COBL: variants seen among roughly 807,000 people sequenced by gnomAD.
COBL encodes the protein cordon-bleu WH2 repeat protein.
Under a neutral mutation model 98.8 loss-of-function variants are expected in COBL, and 51 were observed. That is an observed-to-expected ratio of 0.52 (90% CI 0.41 to 0.65). The LOEUF (loss-of-function observed/expected upper bound fraction) is 0.65, where lower values mean the gene tolerates loss of function less well. Ranked by LOEUF, COBL falls within the 30% of genes least tolerant of loss-of-function variation. COBL has a pLI of 0.00. For missense variants in COBL, 1,617 were observed against 1,617.5 expected (o/e 1.00, Z 0.01); for synonymous variants, 634 against 651.7 (o/e 0.97, Z 0.41).
At chr7:51,180,989 T>G (rs2129050093) in intron 5 of COBL, among the ~76,000 whole-genome samples, 1 of 152,354 alleles carries the variant, frequency 6.6e-6, no homozygotes, top group Middle Eastern at 3.4e-3. Context: ...TAGAGATGAT[T>G]CAACAAGCAA....
intron 1 of COBL, among the ~76,000 whole-genome samples, chr7:51,230,828 C>G (rs1350588728): frequency 6.6e-6 from 1 of 152,206 alleles, no homozygotes. Context: ...TGTTTCTGCA[C>G]GTGGGGCAGA....
At chr7:51,059,874 G>C (rs957864028) in intron 7 of COBL, among the ~76,000 whole-genome samples, 1 of 152,124 alleles carries the variant, frequency 6.6e-6, no homozygotes, top group African/African-American at 2.4e-5. Context: ...ACCCAACGTG[G>C]CCTGTTTTTT....
intron 6 of COBL, among the ~76,000 whole-genome samples, chr7:51,111,832 TAGG>T (rs1318010112): frequency 1.3e-5 from 2 of 152,172 alleles, no homozygotes; most frequent in African/African-American, 4.8e-5. Flanking sequence ...TGTTCACAAC[TAGG>T]AGATTAAATG....
chr7:51,235,405 C>T (rs1449776613), intron 1 of COBL, among the ~76,000 whole-genome samples: 1 of 152,202 alleles, frequency 6.6e-6, no homozygotes, highest in Non-Finnish European at 1.5e-5. Context: ...GCAAGTGCAG[C>T]TGCCCTGCAT....
chr7:51,044,617 T>C lies in COBL; in HGVS notation c.1097-925A>G, dbSNP rs2128890447. Among the ~76,000 whole-genome samples, 4 of 152,340 alleles carry C rather than the reference T, an allele frequency of 2.6e-5. 1 individual carries two copies. The Middle Eastern group carries it at 0.01, about 389-fold the overall frequency. On this transcript the variant is annotated intron_variant, in intron 7 of 12. Coordinates refer to ENST00000265136, the MANE Select transcript of COBL (RefSeq NM_015198.5). ...TTCAGGACATATGATCTAAGCACTA[T>C]TTATAACAGTCCAGAAAACAAGCAC...
At chr7:51,058,569 C>CAACAACAACAAT (rs1228326360) in intron 7 of COBL, among the ~76,000 whole-genome samples, 2 of 151,670 alleles carry the variant, frequency 1.3e-5, no homozygotes, top group Non-Finnish European at 2.9e-5. Flanking sequence ...ACAACAACAA[C>CAACAACAACAAT]AACAACAACA....
chr7:51,136,089 G>A, intron 6 of COBL, 69 bp downstream of exon 6: 1 of 1,538,990 alleles, frequency 6.5e-7, no homozygotes. Context: ...GTGTTCCCAG[G>A]GAGCTTTGGA....
In COBL at chr7:51,069,250, G is replaced by T. The variant is rs563206163; in HGVS notation, c.1096+15916C>A. 4.6e-5 allele frequency among the ~76,000 whole-genome samples: 7 copies of T among 152,300 alleles called. No individual in the cohort carries two copies. In the South Asian group the frequency reaches 1.0e-3, roughly 23 times the overall value. On this transcript the variant is annotated intron_variant, in intron 7 of 12. Transcript: ENST00000265136. The stretch of plus-strand genomic sequence containing the variant: ...AGGGATGAGGCAGAAACAGGCCAGA[G>T]ATACAAATATGCTTACTTCCACCAC...
At chr7:51,166,472 A>G (rs931851074) in intron 5 of COBL, among the ~76,000 whole-genome samples, 1 of 152,132 alleles carries the variant, frequency 6.6e-6, no homozygotes, top group Non-Finnish European at 1.5e-5. Flanking sequence ...AAAGTCTCCC[A>G]GTAAAGAAAA....
chr7:51,103,249 C>A (rs1795967896), intron 6 of COBL, among the ~76,000 whole-genome samples: 1 of 152,120 alleles, frequency 6.6e-6, no homozygotes, highest in Non-Finnish European at 1.5e-5. Flanking sequence ...CATTTTTTCA[C>A]ATATTAGGAT....
chr7:51,220,964 C>T (rs1000454099), intron 1 of COBL, among the ~76,000 whole-genome samples: 2 of 152,068 alleles, frequency 1.3e-5, no homozygotes, highest in Non-Finnish European at 2.9e-5. Flanking sequence ...GATTTAAGAA[C>T]CTTACTTTAT....
chr7:51,065,343 A>G (rs1791808377), intron 7 of COBL: 2 of 703,554 alleles, frequency 2.8e-6, no homozygotes, highest in Non-Finnish European at 5.2e-6. Context: ...TGTGTAGAGA[A>G]CTGCGGCCCT....
intron 1 of COBL, among the ~76,000 whole-genome samples, chr7:51,279,823 T>C (rs545538593): frequency 2.0e-5 from 3 of 152,338 alleles, no homozygotes; most frequent in Non-Finnish European, 2.9e-5. Context: ...ACTGATCTTA[T>C]CTTGCCTTTT....
chr7:51,116,357 T>A (rs904458432), intron 6 of COBL, among the ~76,000 whole-genome samples: 1 of 152,180 alleles, frequency 6.6e-6, no homozygotes, highest in Non-Finnish European at 1.5e-5. Flanking sequence ...AATTATAATA[T>A]GTGTGCTCAA....
At chr7:51,305,576 AGGAGG>A (rs1802381872) in intron 1 of COBL, among the ~76,000 whole-genome samples, 1 of 152,206 alleles carries the variant, frequency 6.6e-6, no homozygotes, top group African/African-American at 2.4e-5. Flanking sequence ...AAACATCATA[AGGAGG>A]ATAAATTACT....
At chr7:51,113,265 T>A (rs1206686016) in intron 6 of COBL, among the ~76,000 whole-genome samples, 1 of 152,190 alleles carries the variant, frequency 6.6e-6, no homozygotes, top group Non-Finnish European at 1.5e-5. Context: ...TCAGAATATA[T>A]GAAGGAAATA....
At chr7:51,289,181 C>A (rs1370668235) in intron 1 of COBL, among the ~76,000 whole-genome samples, 1 of 152,182 alleles carries the variant, frequency 6.6e-6, no homozygotes, top group African/African-American at 2.4e-5. Flanking sequence ...TATTCTTTCC[C>A]AAATAGTCTT....
At chr7:51,056,654 A>G (rs1790776232) in intron 7 of COBL, among the ~76,000 whole-genome samples, 2 of 152,244 alleles carry the variant, frequency 1.3e-5, no homozygotes. Context: ...GGAATAAAAC[A>G]TATCTTTTAA....
chr7:51,147,831 A>T (rs536467458), intron 5 of COBL, among the ~76,000 whole-genome samples: 2 of 151,898 alleles, frequency 1.3e-5, no homozygotes, highest in South Asian at 4.2e-4. Context: ...GCTCACTGCA[A>T]GCTCCGCCTC....
Sources: gnomAD v4.1 joint callset for allele counts (sites outside exome capture counted in the v4.1 genomes callset) on GRCh38, gnomAD v4.1.1 for gene constraint, MANE v1.5 for transcripts, NCBI Gene and HGNC (gene_info 2026-07-23, HGNC 2026-07-21) for gene names.